The following UNC13B variants were observed in gnomAD, a reference collection of about 807,000 sequenced individuals.
UNC13B encodes protein unc-13 homolog B.
UNC13B carries 144 observed loss-of-function variants against 211.0 expected under a neutral mutation model. That is an observed-to-expected ratio of 0.68 (90% CI 0.60 to 0.78). The LOEUF (loss-of-function observed/expected upper bound fraction) is 0.78, where lower values mean the gene tolerates loss of function less well. Among genes scored for constraint, UNC13B ranks in the 30% least tolerant of loss-of-function variants. The probability of loss-of-function intolerance (pLI) is 0.00; values close to 1 mark genes in which losing one functional copy is unlikely to be tolerated. For synonymous variants in UNC13B, 709 were observed against 725.8 expected (o/e 0.98, Z 0.37); for missense variants, 1,777 against 2,002.0 (o/e 0.89, Z 2.14).
At chr9:35,181,895 C>A (rs1208120097) in intron 1 of UNC13B, among the ~76,000 whole-genome samples, 1 of 152,020 alleles carries the variant, frequency 6.6e-6, no homozygotes, top group Non-Finnish European at 1.5e-5. Flanking sequence ...ACCAAACTAT[C>A]CTTGAAAAAC....
chr9:35,374,434 C>T (rs1834259180), intron 13 of UNC13B, among the ~76,000 whole-genome samples: 1 of 81,098 alleles, frequency 1.2e-5, no homozygotes, highest in Non-Finnish European at 2.9e-5. Flanking sequence ...TACATGGGGC[C>T]CCTGTGCAAG....
chr9:35,401,434 C>CT (rs1237648473), intron 37 of UNC13B, among the ~76,000 whole-genome samples: 1 of 152,150 alleles, frequency 6.6e-6, no homozygotes, highest in Admixed American at 6.5e-5. Context: ...ACAGGTAGAA[C>CT]TTTTACAGAG....
At chr9:35,376,335 C>A in intron 15 of UNC13B, 88 bp downstream of exon 15, 1 of 1,309,418 alleles carries the variant, frequency 7.6e-7, no homozygotes, top group Non-Finnish European at 1.1e-6. Context: ...ATGGCTGAAC[C>A]AATCATTCCC....
intron 1 of UNC13B, among the ~76,000 whole-genome samples, chr9:35,177,579 A>G (rs1437676677): frequency 6.6e-6 from 1 of 152,246 alleles, no homozygotes; most frequent in Admixed American, 6.5e-5. Context: ...ATTGTATAGT[A>G]ACTTTTACTC....
At chr9:35,375,956 G>A in intron 14 of UNC13B, 72 bp from the exon 15 acceptor site, 1 of 1,492,694 alleles carries the variant, frequency 6.7e-7, no homozygotes, top group Non-Finnish European at 9.3e-7. Flanking sequence ...CTCCAGCCTG[G>A]GCAACAGAGC....
intron 11 of UNC13B, among the ~76,000 whole-genome samples, chr9:35,350,334 A>G (rs1832634695): frequency 6.6e-6 from 1 of 152,182 alleles, no homozygotes; most frequent in South Asian, 2.1e-4. Flanking sequence ...TCTGTGAGGT[A>G]ACCCTCCCCC....
At position 35,397,848 on chromosome 9, in the gene UNC13B, C is replaced by T; in HGVS notation, c.11754+136C>T. 5 of 872,370 alleles carry T rather than the reference C, an allele frequency of 5.7e-6. No homozygotes were observed. The South Asian group carries it at 8.6e-5, about 15-fold the overall frequency. 54.0% of individuals were successfully genotyped at this position (872,370 alleles called of 1,614,324 possible). Reference sequence around the variant, plus strand: ...TTCCCACCATGGCTTTGCTTCAGATCCATGCCACAAAATTACGAGAACTTG... The same window carrying T: ...TTCCCACCATGGCTTTGCTTCAGATTCATGCCACAAAATTACGAGAACTTG... On this transcript the variant is annotated intron_variant, in intron 30 of 39. Transcript: ENST00000635942.
At chr9:35,375,046 C>T in intron 13 of UNC13B, 81 bp from the exon 14 acceptor site, 2 of 1,415,918 alleles carry the variant, frequency 1.4e-6, no homozygotes, top group Non-Finnish European at 2.0e-6. Context: ...AGTCAAGTGG[C>T]TTTGGTCACT....
At chr9:35,184,963 CAAT>C (rs1236706619) in intron 1 of UNC13B, among the ~76,000 whole-genome samples, 4 of 152,130 alleles carry the variant, frequency 2.6e-5, no homozygotes, top group African/African-American at 9.7e-5. Context: ...GTCTTCAAAA[CAAT>C]AAAATATTTT....
chr9:35,354,737 G>A (rs1220229104), intron 11 of UNC13B, among the ~76,000 whole-genome samples: 1 of 152,202 alleles, frequency 6.6e-6, no homozygotes, highest in Non-Finnish European at 1.5e-5. Context: ...TCTAAATTGT[G>A]AAGCATATTG....
chr9:35,162,645 C>T (rs1048687754), intron 1 of UNC13B, among the ~76,000 whole-genome samples: 1 of 152,120 alleles, frequency 6.6e-6, no homozygotes, highest in Non-Finnish European at 1.5e-5. Flanking sequence ...TGGTGGGCAG[C>T]CTCTCATTCT....
At chr9:35,333,610 T>C (rs528846491) in intron 11 of UNC13B, among the ~76,000 whole-genome samples, 1 of 152,242 alleles carries the variant, frequency 6.6e-6, no homozygotes, top group Non-Finnish European at 1.5e-5. Context: ...ATCCTTTCCT[T>C]TTAGTTTCCA....
In UNC13B at chr9:35,380,548, A is replaced by G. The variant is rs762824540; in HGVS notation, c.10284A>G (p.Gln3428=). 10 of 1,614,092 alleles carry G rather than the reference A, an allele frequency of 6.2e-6. No individual in the cohort carries two copies. In the East Asian group the frequency reaches 1.8e-4, roughly 29 times the overall value. ...ATGACATCAAGTCAAGAGTAAAGCA[A>G]CGCCTAAAGCGAGAGTCTGATGATT... ...EDDDIKSRVK[Q]RLKRESDDFL... Residue 3428 remains glutamine (Q), a synonymous_variant, in exon 18 of 40, where the codon CAA becomes CAG. Transcript: ENST00000635942.
chr9:35,399,414 C>G lies in UNC13B; in HGVS notation c.12221C>G (p.Ala4074Gly). Reference protein sequence around the residue: ...DQTGTQLIFTAAKELSHLSKL... With the variant: ...DQTGTQLIFTGAKELSHLSKL... ...CAGGGCACCCAGCTGATCTTCACTG[C>G]TGCCAAGGAGCTGAGCCATCTTTCC... The change falls in exon 35 of 40, where the codon GCT (alanine) becomes GGT (glycine). Residue 4074 changes from alanine to glycine, a missense_variant. Transcript: ENST00000635942. 6.2e-7 allele frequency: 1 copy of G among 1,614,126 alleles called. No individual in the cohort carries two copies. The highest frequency in any genetic ancestry group is 8.5e-7 in the Non-Finnish European group (1 of 1,180,036).
At chr9:35,227,958 C>T (rs1824950922) in intron 1 of UNC13B, 57 bp from the exon 2 acceptor site, 1 of 1,518,810 alleles carries the variant, frequency 6.6e-7, no homozygotes, top group Non-Finnish European at 9.1e-7. Flanking sequence ...ATAAATGTTG[C>T]TTAAGTAAAA....
intron 7 of UNC13B, among the ~76,000 whole-genome samples, chr9:35,273,109 C>T (rs1403847610): frequency 5.3e-5 from 8 of 152,100 alleles, no homozygotes; most frequent in African/African-American, 9.7e-5. Flanking sequence ...ATTAGTAAAA[C>T]GGCATAACCC....
At chr9:35,253,195 G>A (rs557775095) in intron 6 of UNC13B, among the ~76,000 whole-genome samples, 344 of 152,114 alleles carry the variant, frequency 2.3e-3, no homozygotes, top group South Asian at 5.2e-3. Context: ...AGGCTGGAGT[G>A]CAATGGCACA....
chr9:35,178,760 C>T (rs766603030), intron 1 of UNC13B, among the ~76,000 whole-genome samples: 23 of 151,442 alleles, frequency 1.5e-4, no homozygotes, highest in Admixed American at 3.3e-4. Context: ...GTGTGGTGCA[C>T]GCCTGGATTC....
intron 7 of UNC13B, chr9:35,291,193 C>A: frequency 8.2e-7 from 1 of 1,225,674 alleles, no homozygotes; most frequent in Non-Finnish European, 1.2e-6. Flanking sequence ...GATATTCATG[C>A]ATAGACTTCC....
Sources: allele counts gnomAD v4.1 joint callset (sites outside exome capture counted in the v4.1 genomes callset), GRCh38; gene constraint gnomAD v4.1.1; transcripts MANE v1.5; gene names NCBI Gene and HGNC (gene_info 2026-07-23, HGNC 2026-07-21).